GPC5: variants seen among roughly 807,000 people sequenced by gnomAD.
GPC5 encodes the protein glypican-5.
In GPC5, 47 loss-of-function variants were observed where a neutral mutation model predicts 53.9. The observed-to-expected ratio is 0.87, with a 90% CI of 0.69 to 1.11. The LOEUF (loss-of-function observed/expected upper bound fraction) is 1.11. GPC5 is among the 50% of genes most tolerant of loss of function. The probability of loss-of-function intolerance (pLI) is 0.00; values close to 1 mark genes in which losing one functional copy is unlikely to be tolerated. For synonymous variants in GPC5, 286 were observed against 263.3 expected, an observed-to-expected ratio of 1.09 and a Z score of -0.84; for missense variants, 748 against 713.1, an observed-to-expected ratio of 1.05 and a Z score of -0.56.
intron 7 of GPC5, among the ~76,000 whole-genome samples, chr13:92,529,955 G>A (rs567315152): frequency 1.1e-4 from 16 of 151,930 alleles, no homozygotes; most frequent in South Asian, 1.0e-3. Context: ...GTGGTAGTGC[G>A]CCCCTGTAGT....
At chr13:92,586,161 G>A (rs531310212) in intron 7 of GPC5, among the ~76,000 whole-genome samples, 1 of 152,270 alleles carries the variant, frequency 6.6e-6, no homozygotes, top group African/African-American at 2.4e-5. Context: ...AAGACAGAAT[G>A]GTGTCAAGCT....
At chr13:91,685,166 G>C (rs1450887632) in intron 2 of GPC5, among the ~76,000 whole-genome samples, 1 of 152,158 alleles carries the variant, frequency 6.6e-6, no homozygotes, top group Admixed American at 6.5e-5. Flanking sequence ...GCTGGGCATG[G>C]TGGTGGCGCT....
chr13:92,336,384 T>TA (rs1196611540), intron 7 of GPC5, among the ~76,000 whole-genome samples: 1 of 152,306 alleles, frequency 6.6e-6, no homozygotes, highest in Middle Eastern at 3.4e-3. Flanking sequence ...ACATACATTG[T>TA]AAAAACATTT....
intron 2 of GPC5, among the ~76,000 whole-genome samples, chr13:91,460,298 C>CTT (rs773703323): frequency 1.4e-5 from 2 of 143,174 alleles, no homozygotes; most frequent in Non-Finnish European, 3.1e-5. Context: ...TCTTTGTTGT[C>CTT]TTTTTTTTTT....
intron 5 of GPC5, among the ~76,000 whole-genome samples, chr13:91,819,316 C>T (rs1344877415): frequency 1.3e-5 from 2 of 151,828 alleles, no homozygotes; most frequent in Non-Finnish European, 2.9e-5. Context: ...CCTGCCATCA[C>T]GCCCAGCTAA....
At chr13:91,887,294 C>T (rs185097811) in intron 5 of GPC5, among the ~76,000 whole-genome samples, 47 of 152,248 alleles carry the variant, frequency 3.1e-4, no homozygotes, top group African/African-American at 1.1e-3. Context: ...ATGCAGGGCA[C>T]CAAGTCTCTA....
intron 7 of GPC5, among the ~76,000 whole-genome samples, chr13:92,421,487 C>T (rs1043761748): frequency 3.9e-5 from 6 of 152,130 alleles, no homozygotes; most frequent in African/African-American, 1.4e-4. Flanking sequence ...ATCACGAGGT[C>T]AGGAGATCGA....
intron 6 of GPC5, among the ~76,000 whole-genome samples, chr13:92,093,424 G>A (rs1275312997): frequency 6.6e-6 from 1 of 152,108 alleles, no homozygotes; most frequent in East Asian, 1.9e-4. Context: ...GCAAGTATAT[G>A]TATATCTACA....
At chr13:91,641,323 G>A (rs887665008) in intron 2 of GPC5, among the ~76,000 whole-genome samples, 3 of 152,136 alleles carry the variant, frequency 2.0e-5, no homozygotes, top group Non-Finnish European at 2.9e-5. Context: ...ACGAGACTCC[G>A]TCTCAAAAAC....
chr13:91,539,796 A>G (rs72641418), intron 2 of GPC5, among the ~76,000 whole-genome samples: 2 of 152,180 alleles, frequency 1.3e-5, no homozygotes, highest in African/African-American at 4.8e-5. Context: ...GTATGTGTCA[A>G]ATAGCAACAA....
chr13:92,257,403 G>A (rs971394166), intron 7 of GPC5, among the ~76,000 whole-genome samples: 16 of 152,008 alleles, frequency 1.1e-4, no homozygotes, highest in African/African-American at 3.9e-4. Flanking sequence ...TTTGTTTAGA[G>A]ATATTGTGAT....
chr13:91,810,970 T>A (rs60993910), intron 5 of GPC5, among the ~76,000 whole-genome samples: 7,244 of 151,162 alleles, frequency 0.048, 362 homozygotes, highest in East Asian at 0.22. Context: ...CAGGAAATAT[T>A]TTACATATTC....
At chr13:91,547,491 A>G (rs1284635752) in intron 2 of GPC5, among the ~76,000 whole-genome samples, 1 of 152,138 alleles carries the variant, frequency 6.6e-6, no homozygotes, top group Non-Finnish European at 1.5e-5. Flanking sequence ...TGTTTAAAAA[A>G]TTGAATCAAT....
chr13:92,570,176 A>C (rs1349886190), intron 7 of GPC5, among the ~76,000 whole-genome samples: 1 of 152,170 alleles, frequency 6.6e-6, no homozygotes, highest in Non-Finnish European at 1.5e-5. Flanking sequence ...TCAGCTGTAA[A>C]ATTGAAAGGA....
chr13:91,776,736 A>G (rs1200516770), intron 5 of GPC5, among the ~76,000 whole-genome samples: 1 of 152,176 alleles, frequency 6.6e-6, no homozygotes, highest in Admixed American at 6.5e-5. Context: ...GAAAATGACT[A>G]GTGTATTTTT....
At chr13:92,853,514 T>A (rs1190580127) in intron 7 of GPC5, among the ~76,000 whole-genome samples, 2 of 152,174 alleles carry the variant, frequency 1.3e-5, no homozygotes, top group African/African-American at 4.8e-5. Flanking sequence ...GCGAGAATAC[T>A]GTACTGTCAT....
At chr13:91,847,610 A>G (rs2038866809) in intron 5 of GPC5, among the ~76,000 whole-genome samples, 2 of 152,200 alleles carry the variant, frequency 1.3e-5, no homozygotes, top group Non-Finnish European at 2.9e-5. Flanking sequence ...ATAAGAAGTA[A>G]TTAAGATCAA....
intron 2 of GPC5, among the ~76,000 whole-genome samples, chr13:91,629,099 G>A (rs1440504208): frequency 1.3e-5 from 2 of 152,142 alleles, no homozygotes. Flanking sequence ...CATCATGATT[G>A]TGATTATCTT....
chr13:92,220,616 T>C (rs1279313237), intron 7 of GPC5, among the ~76,000 whole-genome samples: 4 of 152,196 alleles, frequency 2.6e-5, no homozygotes, highest in Non-Finnish European at 4.4e-5. Context: ...GATTTTTAAA[T>C]AACATATTGA....
Sources: gnomAD v4.1 joint callset for allele counts (sites outside exome capture counted in the v4.1 genomes callset) on GRCh38, gnomAD v4.1.1 for gene constraint, MANE v1.5 for transcripts, NCBI Gene and HGNC (gene_info 2026-07-23, HGNC 2026-07-21) for gene names.